ATRNL1: variants seen among roughly 807,000 people sequenced by gnomAD.
ATRNL1 encodes attractin-like protein 1.
Under a neutral mutation model 182.7 loss-of-function variants are expected in ATRNL1, and 95 were observed. The ratio of observed to expected loss-of-function variants is 0.52; its 90% confidence interval spans 0.44 to 0.62. The LOEUF (loss-of-function observed/expected upper bound fraction) is 0.62, where lower values mean the gene tolerates loss of function less well. Ranked by LOEUF, ATRNL1 falls within the 20% of genes least tolerant of loss-of-function variation. The pLI is 0.00. For missense variants in ATRNL1, 1,471 were observed against 1,679.5 expected, an observed-to-expected ratio of 0.88 and a Z score of 2.17; for synonymous variants, 576 against 568.3, an observed-to-expected ratio of 1.01 and a Z score of -0.19.
chr10:115,735,141 G>A (rs147770911), intron 27 of ATRNL1, among the ~76,000 whole-genome samples: 7 of 151,992 alleles, frequency 4.6e-5, no homozygotes, highest in Non-Finnish European at 7.4e-5. Context: ...GTTGTTCTTC[G>A]CCTTCAGAGC....
At chr10:115,535,174 G>A (rs1410737757) in intron 25 of ATRNL1, among the ~76,000 whole-genome samples, 3 of 151,990 alleles carry the variant, frequency 2.0e-5, no homozygotes, top group African/African-American at 7.2e-5. Flanking sequence ...GATTGGGGAA[G>A]TTCTCCTGGA....
chr10:115,394,097 C>G (rs628403), intron 19 of ATRNL1, among the ~76,000 whole-genome samples: 59,030 of 151,650 alleles, frequency 0.39, 12,640 homozygotes, highest in African/African-American at 0.57. Flanking sequence ...ATTATTCTTA[C>G]CAGTAGTAAT....
chr10:115,129,627 G>A lies in ATRNL1; in HGVS notation c.829+92G>A, dbSNP rs1357731999. 9 of 943,444 alleles carry A rather than the reference G, an allele frequency of 9.5e-6. No homozygotes were observed. In the African/African-American group the frequency reaches 1.3e-4, roughly 14 times the overall value. 58.4% of individuals were successfully genotyped at this position (943,444 alleles called of 1,614,324 possible). A position where few individuals can be genotyped will look rare whatever the true frequency, so the allele number is the denominator to read the frequency against. On this transcript the variant is annotated intron_variant, in intron 5 of 28. Transcript: ENST00000355044. ...CCACACGTTTGTTTCGTTATAGTTT[G>A]CACACCCAAGCCTTATATATTTACT...
chr10:115,895,472 T>C (rs1952183436), intron 28 of ATRNL1, among the ~76,000 whole-genome samples: 1 of 152,206 alleles, frequency 6.6e-6, no homozygotes, highest in African/African-American at 2.4e-5. Flanking sequence ...CCAGCACATT[T>C]ATAATCACTT....
chr10:115,478,679 G>T (rs1848634918), intron 24 of ATRNL1, among the ~76,000 whole-genome samples: 1 of 151,520 alleles, frequency 6.6e-6, no homozygotes, highest in South Asian at 2.1e-4. Context: ...TAAGGGAAAG[G>T]CTTTAACATA....
At chr10:115,520,042 T>G (rs1369896901) in intron 25 of ATRNL1, among the ~76,000 whole-genome samples, 1 of 152,294 alleles carries the variant, frequency 6.6e-6, no homozygotes, top group African/African-American at 2.4e-5. Flanking sequence ...TTGTTAACAT[T>G]ATTATTCACG....
At chr10:115,505,835 AT>A (rs138223341) in intron 24 of ATRNL1, among the ~76,000 whole-genome samples, 2,977 of 152,078 alleles carry the variant, frequency 0.02, 96 homozygotes, top group African/African-American at 0.066. Context: ...TCCTTTAAAA[AT>A]TTTTTTAAAT....
intron 19 of ATRNL1, among the ~76,000 whole-genome samples, chr10:115,340,903 G>A (rs1855723121): frequency 2.0e-5 from 3 of 151,280 alleles, no homozygotes; most frequent in Admixed American, 2.0e-4. Context: ...GAATTTTTTT[G>A]TGTGTCTTCT....
chr10:115,816,376 C>T lies in ATRNL1; in HGVS notation c.3904-31501C>T, dbSNP rs191204219. ...CTTAAGAATCAGATATTGTATAAGT[C>T]GTTCATTCATTAATTCAACAAATAC... On this transcript the variant is annotated intron_variant, in intron 27 of 28. Transcript: ENST00000355044. Among the ~76,000 whole-genome samples the T allele has an allele frequency of 1.4e-4, 22 of 152,166 alleles. No homozygotes were observed. The East Asian group carries it at 1.9e-3, about 13-fold the overall frequency.
intron 27 of ATRNL1, among the ~76,000 whole-genome samples, chr10:115,770,952 T>C (rs1948974007): frequency 6.6e-6 from 1 of 152,130 alleles, no homozygotes; most frequent in Non-Finnish European, 1.5e-5. Flanking sequence ...AGTATATATC[T>C]ACTCAAAATA....
chr10:115,461,580 A>G (rs1356736310), intron 21 of ATRNL1, among the ~76,000 whole-genome samples: 1 of 152,130 alleles, frequency 6.6e-6, no homozygotes, highest in Non-Finnish European at 1.5e-5. Flanking sequence ...ACAGAATTCT[A>G]ACTGGAATAA....
rs1554862089 is a variant in ATRNL1, at chr10:115,093,554, T to G, written c.-197T>G. 2 of 698,064 alleles carry G rather than the reference T, an allele frequency of 2.9e-6. No individual in the cohort carries two copies. The highest frequency in any genetic ancestry group is 3.0e-5 in the South Asian group (2 of 66,476). The allele number at this position is 698,064 out of a possible 1,614,324, so 43.2% of individuals were successfully genotyped here. On this transcript the variant is annotated 5_prime_UTR_variant, in exon 1 of 29. Coordinates refer to ENST00000355044, the MANE Select transcript of ATRNL1 (RefSeq NM_207303.4). The surrounding 1 kb of genome is among the most constrained non-coding windows in gnomAD (Gnocchi z 6.1). ...GGGAGACTGGGTGGCGATGCCCGAG[T>G]GCGACTGGAGGCAGCCGAGCGGAGG...
intron 25 of ATRNL1, among the ~76,000 whole-genome samples, chr10:115,520,690 A>G (rs551935358): frequency 6.6e-6 from 1 of 152,172 alleles, no homozygotes; most frequent in South Asian, 2.1e-4. Flanking sequence ...TCCCTATGAT[A>G]TCTCTCCTAA....
intron 27 of ATRNL1, among the ~76,000 whole-genome samples, chr10:115,761,062 C>A (rs1948722716): frequency 6.6e-6 from 1 of 152,132 alleles, no homozygotes. Flanking sequence ...AAGTAAGACT[C>A]TGACCTATTT....
At chr10:115,137,280 A>G (rs1414606150) in intron 5 of ATRNL1, among the ~76,000 whole-genome samples, 1 of 152,246 alleles carries the variant, frequency 6.6e-6, no homozygotes, top group Non-Finnish European at 1.5e-5. Flanking sequence ...GTTATTGGAA[A>G]GTATGCAGAG....
chr10:115,859,608 T>C (rs1441594608), intron 28 of ATRNL1, among the ~76,000 whole-genome samples: 1 of 152,108 alleles, frequency 6.6e-6, no homozygotes, highest in Non-Finnish European at 1.5e-5. Flanking sequence ...AGAAACATTT[T>C]TCTGGGGGTC....
chr10:115,946,274 T>TA lies in ATRNL1; in HGVS notation c.*1496dup, dbSNP rs1230387519. On this transcript the variant is annotated 3_prime_UTR_variant, in exon 29 of 29. Transcript: ENST00000355044. ...TTACTGTTTACAGCTAATGCATAGT[T>TA]ACTTGCATGCCATGGTTGTACAGTA... is the stretch of plus-strand genomic sequence containing the variant. 6.6e-6 allele frequency: 1 copy of TA among 152,234 alleles called. No individual in the cohort carries two copies. The highest frequency in any genetic ancestry group is 6.5e-5 in the Admixed American group (1 of 15,274). The allele number at this position is 152,234 out of a possible 1,614,324, so 9.4% of individuals were successfully genotyped here.
intron 20 of ATRNL1, among the ~76,000 whole-genome samples, chr10:115,395,216 G>T (rs553590656): frequency 2.0e-5 from 3 of 151,962 alleles, no homozygotes. Flanking sequence ...GTATTCCATG[G>T]TGTATGTGGA....
chr10:115,713,708 C>CTAT (rs1407672557), intron 26 of ATRNL1, among the ~76,000 whole-genome samples: 3 of 47,822 alleles, frequency 6.3e-5, no homozygotes, highest in African/African-American at 9.9e-5. Flanking sequence ...TATCTATCAT[C>CTAT]TATCTATCTA....
Sources: gnomAD v4.1 joint callset for allele counts (sites outside exome capture counted in the v4.1 genomes callset) on GRCh38, gnomAD v4.1.1 for gene constraint, Gnocchi (gnomAD v3.1) non-coding constraint, MANE v1.5 for transcripts, NCBI Gene and HGNC (gene_info 2026-07-23, HGNC 2026-07-21) for gene names.